The following CAMKK1 variants were observed in gnomAD, a reference collection of about 807,000 sequenced individuals.
CAMKK1 encodes the protein calcium/calmodulin dependent protein kinase kinase 1, also known as calcium/calmodulin-dependent protein kinase kinase 1.
In CAMKK1, 20 loss-of-function variants were observed where a neutral mutation model predicts 63.5. The ratio of observed to expected loss-of-function variants is 0.32; its 90% confidence interval spans 0.22 to 0.46. CAMKK1 has a LOEUF of 0.46. CAMKK1 is among the 20% of genes least tolerant of loss of function. The probability of loss-of-function intolerance (pLI) is 1.00; values close to 1 mark genes in which losing one functional copy is unlikely to be tolerated. For synonymous variants in CAMKK1, 253 were observed against 269.0 expected, an observed-to-expected ratio of 0.94 and a Z score of 0.58; for missense variants, 588 against 658.1, an observed-to-expected ratio of 0.89 and a Z score of 1.17.
chr17:3,877,187 G>T (rs1346940379), intron 9 of CAMKK1, among the ~76,000 whole-genome samples: 1 of 151,966 alleles, frequency 6.6e-6, no homozygotes, highest in Non-Finnish European at 1.5e-5. Context: ...CCTGCTGCTG[G>T]GACTGAGAGT....
chr17:3,860,412 C>T lies in CAMKK1; in HGVS notation c.*1799G>A, dbSNP rs1005275453. On this transcript the variant is annotated 3_prime_UTR_variant, in exon 16 of 16. Coordinates refer to ENST00000348335, the MANE Select transcript of CAMKK1 (RefSeq NM_032294.3). ...AAACACTCTTATAGAGTTTGCTCAT[C>T]GCTTGTGCTACATTCAAAAACAACG... 7.9e-5 allele frequency: 12 copies of T among 152,508 alleles called. No homozygotes were observed. The highest frequency in any genetic ancestry group is 2.1e-4 in the South Asian group (1 of 4,830). 9.4% of individuals were successfully genotyped at this position (152,508 alleles called of 1,614,324 possible).
In CAMKK1 at chr17:3,882,046, G is replaced by A; in HGVS notation, c.686-398C>T. 1 of 547,974 alleles carries A rather than the reference G, an allele frequency of 1.8e-6. No individual in the cohort carries two copies. Among genetic ancestry groups the A allele is most frequent in the African/African-American group, 1.9e-5 (1 of 52,912 alleles). The allele number at this position is 547,974 out of a possible 1,614,324, so 33.9% of individuals were successfully genotyped here. On this transcript the variant is annotated intron_variant, in intron 7 of 15. Coordinates refer to ENST00000348335, the MANE Select transcript of CAMKK1 (RefSeq NM_032294.3). The surrounding 1 kb of genome is among the most constrained non-coding windows in gnomAD (Gnocchi z 4.3). ...CCCCATTTTCTGAGGCCTCCTCTAA[G>A]CCCAGCCCTGAACCAGACACAAGGA...
rs2055558124 is a variant in CAMKK1, at chr17:3,884,506, C to A, written c.361-79G>T. 2 of 1,359,138 alleles carry A rather than the reference C, an allele frequency of 1.5e-6. No individual in the cohort carries two copies. Among genetic ancestry groups the A allele is most frequent in the Non-Finnish European group, 2.1e-6 (2 of 972,974 alleles). The allele number at this position is 1,359,138 out of a possible 1,614,324, so 84.2% of individuals were successfully genotyped here. On this transcript the variant is annotated intron_variant, in intron 2 of 15. Coordinates refer to ENST00000348335, the MANE Select transcript of CAMKK1 (RefSeq NM_032294.3). The surrounding 1 kb of genome is among the most constrained non-coding windows in gnomAD (Gnocchi z 4.5). ...CCTACCTCAGAGCCCGTTCAGGGTC[C>A]AATTCTGGCCATAAGCTCCTCATTC...
chr17:3,876,280 G>T lies in CAMKK1; in HGVS notation c.939C>A (p.Thr313=). Residue 313 remains threonine (T), a synonymous_variant, in exon 10 of 16, where the codon ACC becomes ACA. Transcript: ENST00000348335. ...TGGCCTCGGGGGCCATGAATGCTGG[G>T]GTTCCCGCCGTGCTGGACAGCTGAG... ...NDAQLSSTAG[T]PAFMAPEAIS... The T allele has an allele frequency of 6.2e-7, 1 of 1,614,188 alleles. No homozygotes were observed. The highest frequency in any genetic ancestry group is 8.5e-7 in the Non-Finnish European group (1 of 1,180,048).
rs1277635391 is a variant in CAMKK1 at position 3,890,465 on chromosome 17, A to T, written c.-44+2474T>A. On this transcript the variant is annotated intron_variant, in intron 1 of 15. Transcript: ENST00000348335. This position sits in a 1 kb window ranked among gnomAD's most constrained non-coding sequence, Gnocchi z 6.5. ...CTGTGCCTCCAGCCCCACTCTTTCC[A>T]GCTAGCTGCCACCTCCCCGTCCATG... Among the ~76,000 whole-genome samples, 1 of 151,508 alleles carries T rather than the reference A, an allele frequency of 6.6e-6. No individual in the cohort carries two copies. The highest frequency in any genetic ancestry group is 1.5e-5 in the Non-Finnish European group (1 of 67,818).
chr17:3,886,707 C>T lies in CAMKK1; in HGVS notation c.-43-977G>A, dbSNP rs138283429. On this transcript the variant is annotated intron_variant, in intron 1 of 15. Transcript: ENST00000348335. The stretch of plus-strand genomic sequence containing the variant: ...CATGACATCCCCTGAGACTCATGTT[C>T]TCAAACTCACTGTGTGGCGGCTGAA... 8.7e-3 allele frequency among the ~76,000 whole-genome samples: 1,327 copies of T among 152,190 alleles called. 9 individuals are homozygous for T. The highest frequency in any genetic ancestry group is 0.017 in the Middle Eastern group (5 of 294).
At position 3,871,347 on chromosome 17, in the gene CAMKK1, G is replaced by GTTTTTTTTTTTTTTTTTTTTTTTTTTT. The variant is rs869219931; in HGVS notation, c.1124+1206_1124+1207insAAAAAAAAAAAAAAAAAAAAAAAAAAA. The stretch of plus-strand genomic sequence containing the variant: ...TGTTGTTTTTTGTTTTTTTTTTTTT[G>GTTTTTTTTTTTTTTTTTTTTTTTTTTT]TTTTTTTTTTTTTTTTTTTTTTTTT... On this transcript the variant is annotated intron_variant, in intron 12 of 15. Transcript: ENST00000348335. 7.7e-5 allele frequency among the ~76,000 whole-genome samples: 8 copies of GTTTTTTTTTTTTTTTTTTTTTTTTTTT among 104,362 alleles called. 1 individual carries two copies. Among genetic ancestry groups the GTTTTTTTTTTTTTTTTTTTTTTTTTTT allele is most frequent in the South Asian group, 3.3e-4 (1 of 3,064 alleles). The allele number at this position is 104,362 out of a possible 152,430, so 68.5% of individuals were successfully genotyped here. A position where few individuals can be genotyped will look rare whatever the true frequency, so the allele number is the denominator to read the frequency against.
intron 14 of CAMKK1, 59 bp from the exon 15 acceptor site, chr17:3,866,070 C>T: frequency 6.3e-7 from 1 of 1,585,778 alleles, no homozygotes; most frequent in African/African-American, 1.3e-5. Context: ...CACGCAGCCT[C>T]TGCTCCGATT....
Position 3,884,352 on chromosome 17 carries a change from C to T in CAMKK1, c.408+28G>A. On this transcript the variant is annotated intron_variant, in intron 3 of 15. Coordinates refer to ENST00000348335, the MANE Select transcript of CAMKK1 (RefSeq NM_032294.3). This position sits in a 1 kb window ranked among gnomAD's most constrained non-coding sequence, Gnocchi z 4.5. The stretch of plus-strand genomic sequence containing the variant: ...CGCCAAACAGAGAATCCCGAAGCCC[C>T]CACTGCTCTCGGCCTGCCCACTCCT... 6.2e-7 allele frequency: 1 copy of T among 1,612,024 alleles called. No homozygotes were observed. Among genetic ancestry groups the T allele is most frequent in the African/African-American group, 1.3e-5 (1 of 74,996 alleles).
intron 14 of CAMKK1, among the ~76,000 whole-genome samples, chr17:3,868,452 G>C (rs546728184): frequency 6.6e-6 from 1 of 150,400 alleles, no homozygotes; most frequent in Non-Finnish European, 1.5e-5. Context: ...CGTGGGCTCT[G>C]GGGGAGACGC....
In CAMKK1 at chr17:3,890,570, A is replaced by G; in HGVS notation, c.-44+2369T>C. On this transcript the variant is annotated intron_variant, in intron 1 of 15. Coordinates refer to ENST00000348335, the MANE Select transcript of CAMKK1 (RefSeq NM_032294.3). This position sits in a 1 kb window ranked among gnomAD's most constrained non-coding sequence, Gnocchi z 6.5. ...AACCTGCTCGTCCTCCTCTGTCTCC[A>G]TTGCGAGACGGGTACCACACCCTCC... 2 of 759,860 alleles carry G rather than the reference A, an allele frequency of 2.6e-6. No homozygotes were observed. The highest frequency in any genetic ancestry group is 2.8e-5 in the South Asian group (2 of 71,578). The allele number at this position is 759,860 out of a possible 1,614,324, so 47.1% of individuals were successfully genotyped here.
At chr17:3,871,333 G>GTTTTTTTTTTTTTTTTTTTTTTTTTTTT (rs71155812) in intron 12 of CAMKK1, among the ~76,000 whole-genome samples, 2 of 111,004 alleles carry the variant, frequency 1.8e-5, no homozygotes, top group Non-Finnish European at 1.9e-5. Flanking sequence ...GTTGTTTTTT[G>GTTTTTTTTTTTTTTTTTTTTTTTTTTTT]TTTTTTTTTT....
At position 3,885,308 on chromosome 17, in the gene CAMKK1, C is replaced by T; in HGVS notation, c.360+20G>A. The T allele has an allele frequency of 6.4e-7, 1 of 1,562,796 alleles. No homozygotes were observed. The highest frequency in any genetic ancestry group is 8.7e-7 in the Non-Finnish European group (1 of 1,151,950). ...ACTACTGAGGGGCTCATGAACAACC[C>T]CTCGTTCTGCCCCACCAACCTCTGC... On this transcript the variant is annotated intron_variant, in intron 2 of 15. Transcript: ENST00000348335.
chr17:3,884,035 C>A lies in CAMKK1; in HGVS notation c.409-98G>T, dbSNP rs2055534776. On this transcript the variant is annotated intron_variant, in intron 3 of 15. Transcript: ENST00000348335. The surrounding 1 kb of genome is among the most constrained non-coding windows in gnomAD (Gnocchi z 4.5). ...CCGAGCAGCTCTGGTCTCTCCTGCA[C>A]CCCATCTGCACTACCCACCACCAGC... 2 of 1,189,326 alleles carry A rather than the reference C, an allele frequency of 1.7e-6. No homozygotes were observed. The highest frequency in any genetic ancestry group is 2.5e-6 in the Non-Finnish European group (2 of 812,458). The allele number at this position is 1,189,326 out of a possible 1,614,324, so 73.7% of individuals were successfully genotyped here.
chr17:3,885,355 G>A lies in CAMKK1; in HGVS notation c.333C>T (p.Ser111=). ...PRAWRRPTIE[S]HHVAISDAED... is the part of the protein sequence containing the mutation. ...CTGCATCTGAGATGGCCACGTGGTGGGACTCGATGGTGGGCCTCCGCCAGG... is the reference window on the plus strand; with the variant it reads ...CTGCATCTGAGATGGCCACGTGGTGAGACTCGATGGTGGGCCTCCGCCAGG... The change falls in exon 2 of 16, where the codon TCC becomes TCT. Residue 111 remains serine, a synonymous_variant. Coordinates refer to ENST00000348335, the MANE Select transcript of CAMKK1 (RefSeq NM_032294.3). The A allele has an allele frequency of 1.2e-6, 2 of 1,603,264 alleles. No individual in the cohort carries two copies. Among genetic ancestry groups the A allele is most frequent in the Non-Finnish European group, 1.7e-6 (2 of 1,173,354 alleles).
At chr17:3,870,652 A>G (rs2054806200) in intron 12 of CAMKK1, among the ~76,000 whole-genome samples, 1 of 152,164 alleles carries the variant, frequency 6.6e-6, no homozygotes, top group South Asian at 2.1e-4. Context: ...GGCGTGAGCC[A>G]CCACGCCCGG....
chr17:3,891,479 G>A (rs538670315), intron 1 of CAMKK1, among the ~76,000 whole-genome samples: 1 of 152,326 alleles, frequency 6.6e-6, no homozygotes, highest in South Asian at 2.1e-4. Context: ...GGGGCAGTAG[G>A]CAGTGTAGTT....
intron 12 of CAMKK1, among the ~76,000 whole-genome samples, chr17:3,871,355 T>G (rs796782165): frequency 0.31 from 27,093 of 86,804 alleles, 2,960 homozygotes; most frequent in Non-Finnish European, 0.38. Context: ...TTGTTTTTTT[T>G]TTTTTTTTTT....
rs772965962 is a variant in CAMKK1, at chr17:3,890,439, T to C, written c.-44+2500A>G. On this transcript the variant is annotated intron_variant, in intron 1 of 15. Coordinates refer to ENST00000348335, the MANE Select transcript of CAMKK1 (RefSeq NM_032294.3). The surrounding 1 kb of genome is among the most constrained non-coding windows in gnomAD (Gnocchi z 6.5). The stretch of plus-strand genomic sequence containing the variant: ...GCCCCTCCTCATCCTCCACACCAGG[T>C]CTGTGCCTCCAGCCCCACTCTTTCC... Among the ~76,000 whole-genome samples, 2 of 152,050 alleles carry C rather than the reference T, an allele frequency of 1.3e-5. No individual in the cohort carries two copies. Among genetic ancestry groups the C allele is most frequent in the Non-Finnish European group, 2.9e-5 (2 of 67,984 alleles).
Sources: allele counts gnomAD v4.1 joint callset (sites outside exome capture counted in the v4.1 genomes callset), GRCh38; gene constraint gnomAD v4.1.1; non-coding constraint Gnocchi (gnomAD v3.1); transcripts MANE v1.5; gene names NCBI Gene and HGNC (gene_info 2026-07-23, HGNC 2026-07-21).